Variants in ITGB3 observed in about 807,000 individuals in gnomAD.
The protein encoded by ITGB3 is integrin subunit beta 3, also known as integrin beta-3.
A neutral mutation model predicts 85.8 loss-of-function variants in ITGB3; 48 were observed. The ratio of observed to expected loss-of-function variants is 0.56; its 90% CI spans 0.44 to 0.71. The LOEUF (loss-of-function observed/expected upper bound fraction) is 0.71. Ranked by LOEUF, ITGB3 falls within the 30% of genes least tolerant of loss-of-function variation. The pLI, the probability that ITGB3 is intolerant of heterozygous loss-of-function variation, is 0.00. For missense variants in ITGB3, 861 were observed against 1,019.1 expected, an observed-to-expected ratio of 0.84 and a Z score of 2.11; for synonymous variants, 363 against 395.6, an observed-to-expected ratio of 0.92 and a Z score of 0.98.
At chr17:47,260,181 C>T (rs1429115773) in intron 1 of ITGB3, among the ~76,000 whole-genome samples, 2 of 152,070 alleles carry the variant, frequency 1.3e-5, no homozygotes, top group African/African-American at 2.4e-5. Flanking sequence ...AATTAAGAAA[C>T]CTACATTCGA....
chr17:47,307,382 T>A lies in ITGB3; in HGVS notation c.2135-89T>A. ...GTCCTATTTCCTTCAAGGACCTTAGTTACTTTGTCAAGAACACCTTTTTCA... is the reference window on the plus strand; with the variant it reads ...GTCCTATTTCCTTCAAGGACCTTAGATACTTTGTCAAGAACACCTTTTTCA... On this transcript the variant is annotated intron_variant, in intron 13 of 14. Coordinates refer to ENST00000559488, the MANE Select transcript of ITGB3 (RefSeq NM_000212.3). 14 of 1,447,852 alleles carry A rather than the reference T, an allele frequency of 9.7e-6. No individual in the cohort carries two copies. The South Asian group carries it at 1.4e-4, about 14-fold the overall frequency. 89.7% of individuals were successfully genotyped at this position (1,447,852 alleles called of 1,614,324 possible).
chr17:47,264,931 T>G (rs1277582542), intron 1 of ITGB3, among the ~76,000 whole-genome samples: 1 of 152,246 alleles, frequency 6.6e-6, no homozygotes, highest in African/African-American at 2.4e-5. Flanking sequence ...ATTTTTGTTG[T>G]GTATTTTTTG....
At chr17:47,281,325 A>G (rs1292943034) in intron 2 of ITGB3, among the ~76,000 whole-genome samples, 1 of 152,228 alleles carries the variant, frequency 6.6e-6, no homozygotes, top group Non-Finnish European at 1.5e-5. Context: ...GGGGTTTTCC[A>G]GCTTCCTGGC....
At chr17:47,257,402 A>G (rs1490670339) in intron 1 of ITGB3, among the ~76,000 whole-genome samples, 1 of 152,230 alleles carries the variant, frequency 6.6e-6, no homozygotes, top group Non-Finnish European at 1.5e-5. Context: ...AGAAAACCTC[A>G]AGCCCTGTAT....
At chr17:47,298,679 G>T (rs987192805) in intron 10 of ITGB3, among the ~76,000 whole-genome samples, 1 of 152,232 alleles carries the variant, frequency 6.6e-6, no homozygotes, top group Admixed American at 6.5e-5. Flanking sequence ...CTTTGTTAGT[G>T]GGACGGGACC....
In ITGB3 at chr17:47,312,138, G is replaced by A. The variant is rs547089269; in HGVS notation, c.*1934G>A. 1.3e-5 allele frequency among the ~76,000 whole-genome samples: 2 copies of A among 152,232 alleles called. No homozygotes were observed. The highest frequency in any genetic ancestry group is 3.9e-4 in the East Asian group (2 of 5,192). ...CTCATTCTATCCTCTCTCCAAACCC[G>A]TTTTCCAACATTTGTTAATAGTTAC... On this transcript the variant is annotated 3_prime_UTR_variant, in exon 15 of 15. Transcript: ENST00000559488.
At chr17:47,255,385 A>T (rs1418125076) in intron 1 of ITGB3, among the ~76,000 whole-genome samples, 2 of 152,020 alleles carry the variant, frequency 1.3e-5, no homozygotes, top group Non-Finnish European at 2.9e-5. Flanking sequence ...GTATGTATAG[A>T]CGTATAACTC....
At chr17:47,295,789 G>C (rs1272898808) in intron 10 of ITGB3, among the ~76,000 whole-genome samples, 1 of 151,938 alleles carries the variant, frequency 6.6e-6, no homozygotes, top group Non-Finnish European at 1.5e-5. Context: ...TGGGGGGGCA[G>C]CTCTGCTGGC....
chr17:47,297,117 TG>T (rs1860066044), intron 10 of ITGB3, among the ~76,000 whole-genome samples: 1 of 152,214 alleles, frequency 6.6e-6, no homozygotes, highest in Non-Finnish European at 1.5e-5. Flanking sequence ...CATCTTCTGT[TG>T]GTTAAGGCCA....
At chr17:47,300,650 C>T in intron 12 of ITGB3, 72 bp downstream of exon 12, 1 of 1,074,888 alleles carries the variant, frequency 9.3e-7, no homozygotes, top group South Asian at 1.3e-5. Flanking sequence ...CAGAACCTAT[C>T]CAACTCCCAC....
chr17:47,254,924 T>C (rs996056009), intron 1 of ITGB3, among the ~76,000 whole-genome samples: 16 of 150,028 alleles, frequency 1.1e-4, no homozygotes, highest in Admixed American at 3.3e-4. Context: ...GTAGTACTCG[T>C]AAAACAATCT....
intron 13 of ITGB3, among the ~76,000 whole-genome samples, chr17:47,304,196 C>T (rs186975615): frequency 6.6e-6 from 1 of 152,314 alleles, no homozygotes; most frequent in African/African-American, 2.4e-5. Context: ...ACAGGGCCAA[C>T]ATTTCCTATG....
intron 11 of ITGB3, 132 bp from the exon 12 acceptor site, chr17:47,300,346 C>CGCGCGCGCGCGCGTGT (rs377375532): frequency 5.3e-5 from 33 of 619,824 alleles, no homozygotes; most frequent in African/African-American, 4.1e-4. Context: ...CGCGCGCGCG[C>CGCGCGCGCGCGCGTGT]GTGTGTGTGT....
At chr17:47,263,125 T>C (rs1379100505) in intron 1 of ITGB3, among the ~76,000 whole-genome samples, 1 of 151,684 alleles carries the variant, frequency 6.6e-6, no homozygotes, top group Non-Finnish European at 1.5e-5. Context: ...AAGATGGCTT[T>C]AGACGTGAGG....
At position 47,284,696 on chromosome 17, in the gene ITGB3, G is replaced by A; in HGVS notation, c.614+1G>A. 1 of 1,614,124 alleles carries A rather than the reference G, an allele frequency of 6.2e-7. No homozygotes were observed. Among genetic ancestry groups the A allele is most frequent in the Non-Finnish European group, 8.5e-7 (1 of 1,180,012 alleles). On this transcript the variant is annotated splice_donor_variant, in intron 4 of 14. Transcript: ENST00000559488. LOFTEE classifies it high-confidence loss of function. ...AGGCCCTCGAAAACCCCTGCTATGA[G>A]TAAGTCCCTCCTCCAGACGCCAGGA...
Position 47,283,350 on chromosome 17 carries a change from A to T in ITGB3, c.166-4A>T, listed in dbSNP as rs1001233242. The T allele has an allele frequency of 6.2e-7, 1 of 1,614,152 alleles. No homozygotes were observed. On this transcript the variant is annotated splice_polypyrimidine_tract_variant and splice_region_variant and intron_variant, in intron 2 of 14. Transcript: ENST00000559488. The stretch of plus-strand genomic sequence containing the variant: ...GGACTTCTCTTTGGGCTCCTGTCTT[A>T]CAGGCCCTGCCTCTGGGCTCACCTC...
intron 4 of ITGB3, 97 bp downstream of exon 4, chr17:47,284,792 G>A (rs1598690229): frequency 6.6e-7 from 1 of 1,516,768 alleles, no homozygotes; most frequent in Admixed American, 1.7e-5. Context: ...TTTGTTGGCT[G>A]TCTTCTTGCC....
intron 1 of ITGB3, 149 bp from the exon 2 acceptor site, chr17:47,274,269 AT>A: frequency 2.7e-6 from 2 of 733,874 alleles, no homozygotes; most frequent in South Asian, 2.7e-5. Flanking sequence ...AATAACCTGT[AT>A]TTGGTAGACG....
intron 14 of ITGB3, among the ~76,000 whole-genome samples, chr17:47,309,895 GAAAAAAAA>G (rs11354112): frequency 4.4e-5 from 5 of 113,058 alleles, no homozygotes; most frequent in Non-Finnish European, 7.4e-5. Flanking sequence ...GACCCTGTCT[GAAAAAAAA>G]AAAAAAAAAA....
Sources: allele counts gnomAD v4.1 joint callset (sites outside exome capture counted in the v4.1 genomes callset), GRCh38; gene constraint gnomAD v4.1.1; transcripts MANE v1.5; gene names NCBI Gene and HGNC (gene_info 2026-07-23, HGNC 2026-07-21).